The following SUMF1 variants were observed in gnomAD, a reference collection of about 807,000 sequenced individuals.
SUMF1 encodes sulfatase modifying factor 1, also known as formylglycine-generating enzyme.
Under a neutral mutation model 47.6 loss-of-function variants are expected in SUMF1, and 48 were observed. The ratio of observed to expected loss-of-function variants is 1.01; its 90% confidence interval spans 0.80 to 1.28. The LOEUF (loss-of-function observed/expected upper bound fraction) is 1.28. Among genes scored for constraint, SUMF1 ranks in the 50% most tolerant of loss-of-function variants. The probability of loss-of-function intolerance (pLI) is 0.00; values close to 1 mark genes in which losing one functional copy is unlikely to be tolerated. For synonymous variants in SUMF1, 230 were observed against 192.1 expected (o/e 1.20, Z -1.63); for missense variants, 571 against 485.4 (o/e 1.18, Z -1.66).
intron 8 of SUMF1, among the ~76,000 whole-genome samples, chr3:4,136,337 C>G (rs551811969): frequency 1.3e-5 from 2 of 152,218 alleles, no homozygotes; most frequent in East Asian, 3.9e-4. Flanking sequence ...ACCATCTGAT[C>G]TTTGACAAAC....
intron 3 of SUMF1, among the ~76,000 whole-genome samples, chr3:4,436,308 T>A (rs1255630231): frequency 6.6e-6 from 1 of 152,218 alleles, no homozygotes; most frequent in Non-Finnish European, 1.5e-5. Context: ...GTTAACACTA[T>A]AATGTCAGTT....
chr3:4,135,696 C>T (rs1323780833), intron 8 of SUMF1, among the ~76,000 whole-genome samples: 2 of 152,172 alleles, frequency 1.3e-5, no homozygotes, highest in African/African-American at 4.8e-5. Flanking sequence ...TCCCTGTTGG[C>T]AGATGACATG....
At chr3:4,201,241 A>T (rs1289422644) in intron 8 of SUMF1, among the ~76,000 whole-genome samples, 1 of 151,990 alleles carries the variant, frequency 6.6e-6, no homozygotes, top group Middle Eastern at 3.2e-3. Context: ...TTTATTCTAT[A>T]TAACTATATT....
intron 6 of SUMF1, among the ~76,000 whole-genome samples, chr3:4,415,851 G>T (rs938252460): frequency 6.6e-6 from 1 of 152,150 alleles, no homozygotes; most frequent in South Asian, 2.1e-4. Flanking sequence ...AATGGCTCAA[G>T]GTTGAAGTGA....
At chr3:4,392,641 CT>C (rs1700909804) in intron 7 of SUMF1, among the ~76,000 whole-genome samples, 1 of 122,640 alleles carries the variant, frequency 8.2e-6, no homozygotes. Flanking sequence ...ATATATATAT[CT>C]ACCTATATAT....
rs540510804 is a variant in SUMF1 at position 4,146,403 on chromosome 3, C to T, written c.1015-77658G>A. 4.1e-4 allele frequency among the ~76,000 whole-genome samples: 51 copies of T among 125,070 alleles called. No individual in the cohort carries two copies. In the South Asian group the frequency reaches 0.013, roughly 31 times the overall value. The allele number at this position is 125,070 out of a possible 152,430, so 82.1% of individuals were successfully genotyped here. A position where few individuals can be genotyped will look rare whatever the true frequency, so the allele number is the denominator to read the frequency against. ...TGATGGAGCCTCCAGTAGAGAGAGG[C>T]GAGGGGGGGAAAGGTGAATGGAGAA... is the stretch of plus-strand genomic sequence containing the variant. On this transcript the variant is annotated intron_variant and NMD_transcript_variant, in intron 8 of 12. Coordinates refer to the SUMF1 transcript ENST00000448413.
chr3:4,303,959 C>CA (rs1698068866), intron 8 of SUMF1: 1 of 898,212 alleles, frequency 1.1e-6, no homozygotes, highest in Non-Finnish European at 1.5e-6. Context: ...TGGTCTCCCT[C>CA]ACGCTGTGGG....
chr3:4,273,698 TACGGGAGGGAGG>T (rs1697349398), intron 8 of SUMF1, among the ~76,000 whole-genome samples: 2 of 88,522 alleles, frequency 2.3e-5, no homozygotes, highest in Non-Finnish European at 4.3e-5. Flanking sequence ...GGAGGGAGGA[TACGGGAGGGAGG>T]ATACGGGAGG....
intron 8 of SUMF1, among the ~76,000 whole-genome samples, chr3:4,233,655 T>C (rs1696348758): frequency 6.6e-6 from 1 of 152,126 alleles, no homozygotes; most frequent in South Asian, 2.1e-4. Context: ...AGTTTCAAAA[T>C]GTCTGAGTCA....
At chr3:4,227,667 C>T (rs1262259276) in intron 8 of SUMF1, among the ~76,000 whole-genome samples, 3 of 152,108 alleles carry the variant, frequency 2.0e-5, no homozygotes, top group Non-Finnish European at 2.9e-5. Context: ...TCCTTTTCCC[C>T]CTGCTATGTG....
At chr3:4,290,244 C>T (rs914261444) in intron 8 of SUMF1, among the ~76,000 whole-genome samples, 2 of 147,512 alleles carry the variant, frequency 1.4e-5, no homozygotes, top group African/African-American at 2.7e-5. Context: ...CCTATGTACT[C>T]GTTATAACTT....
intron 1 of SUMF1, among the ~76,000 whole-genome samples, chr3:4,460,623 T>TGTGA (rs1230004054): frequency 1.4e-5 from 2 of 147,346 alleles, no homozygotes; most frequent in Non-Finnish European, 3.0e-5. Flanking sequence ...TGTGTGTGTG[T>TGTGA]GAGAGTGTGT....
intron 8 of SUMF1, among the ~76,000 whole-genome samples, chr3:4,369,853 G>T (rs1323197970): frequency 1.3e-5 from 2 of 152,134 alleles, no homozygotes; most frequent in African/African-American, 2.4e-5. Context: ...ATTTAGAGGG[G>T]AAGTTGAGAG....
intron 8 of SUMF1, among the ~76,000 whole-genome samples, chr3:4,215,062 C>T (rs1695888516): frequency 6.6e-6 from 1 of 152,140 alleles, no homozygotes; most frequent in Non-Finnish European, 1.5e-5. Flanking sequence ...CCAACATCAT[C>T]CTGATACCAA....
intron 8 of SUMF1, among the ~76,000 whole-genome samples, chr3:4,351,633 T>C (rs946928620): frequency 6.6e-6 from 1 of 151,846 alleles, no homozygotes; most frequent in African/African-American, 2.4e-5. Context: ...ACGCCGCCCC[T>C]AAAAAAAAGT....
At chr3:4,192,834 G>A (rs1457015649) in intron 8 of SUMF1, among the ~76,000 whole-genome samples, 1 of 152,062 alleles carries the variant, frequency 6.6e-6, no homozygotes, top group African/African-American at 2.4e-5. Flanking sequence ...TAAAAACTCT[G>A]GATGCCAAGG....
At chr3:4,181,418 A>C (rs956579166) in intron 8 of SUMF1, among the ~76,000 whole-genome samples, 1 of 152,168 alleles carries the variant, frequency 6.6e-6, no homozygotes, top group Non-Finnish European at 1.5e-5. Flanking sequence ...GAAGCTGAAG[A>C]AGCAATAGAA....
intron 8 of SUMF1, among the ~76,000 whole-genome samples, chr3:4,191,170 T>C (rs1289059896): frequency 6.6e-6 from 1 of 152,170 alleles, no homozygotes; most frequent in Non-Finnish European, 1.5e-5. Flanking sequence ...AAACTCATCT[T>C]GAGGCTGCCT....
chr3:4,390,756 T>C (rs571789630), intron 7 of SUMF1, among the ~76,000 whole-genome samples: 2 of 152,246 alleles, frequency 1.3e-5, no homozygotes, highest in East Asian at 1.9e-4. Context: ...CTAATTTTTG[T>C]ATTTTTTATA....
Sources: allele counts gnomAD v4.1 joint callset (sites outside exome capture counted in the v4.1 genomes callset), GRCh38; gene constraint gnomAD v4.1.1; transcripts MANE v1.5; gene names NCBI Gene and HGNC (gene_info 2026-07-23, HGNC 2026-07-21).